Variants in MORC3 observed in about 807,000 individuals in gnomAD.
MORC3 encodes MORC family CW-type zinc finger protein 3.
In MORC3, 31 loss-of-function variants were observed where a neutral mutation model predicts 109.1. The ratio of observed to expected loss-of-function variants is 0.28; its 90% CI spans 0.21 to 0.38. The LOEUF (loss-of-function observed/expected upper bound fraction) is 0.38, where lower values mean the gene tolerates loss of function less well. Among genes scored for constraint, MORC3 ranks in the 10% least tolerant of loss-of-function variants. The pLI, the probability that MORC3 is intolerant of heterozygous loss-of-function variation, is 1.00. For missense variants in MORC3, 867 were observed against 1,135.8 expected (o/e 0.76, Z 3.40); for synonymous variants, 395 against 380.7 (o/e 1.04, Z -0.44).
intron 9 of MORC3, among the ~76,000 whole-genome samples, chr21:36,350,900 A>T (rs2085563302): frequency 6.6e-6 from 1 of 152,158 alleles, no homozygotes. Flanking sequence ...TGATATTTTG[A>T]TACAAGCATA....
intron 1 of MORC3, among the ~76,000 whole-genome samples, chr21:36,331,643 T>C (rs2085316797): frequency 6.6e-6 from 1 of 151,878 alleles, no homozygotes; most frequent in African/African-American, 2.4e-5. Context: ...TGTGTGTTTT[T>C]ATACATTTGG....
At chr21:36,329,139 A>G (rs2085283934) in intron 1 of MORC3, among the ~76,000 whole-genome samples, 1 of 151,920 alleles carries the variant, frequency 6.6e-6, no homozygotes, top group Admixed American at 6.6e-5. Context: ...CCAAAAATAC[A>G]AAAAAATTAG....
intron 14 of MORC3, among the ~76,000 whole-genome samples, chr21:36,367,756 A>AT (rs1306142265): frequency 6.6e-6 from 1 of 152,166 alleles, no homozygotes; most frequent in Non-Finnish European, 1.5e-5. Context: ...GGAATAAAAG[A>AT]TTTTTTCAGA....
chr21:36,343,518 G>A (rs559713961), intron 6 of MORC3, among the ~76,000 whole-genome samples: 6 of 148,644 alleles, frequency 4.0e-5, no homozygotes, highest in African/African-American at 1.5e-4. Context: ...GCGTGATCTC[G>A]GCTCACCACA....
At chr21:36,330,309 C>T (rs757158365) in intron 1 of MORC3, among the ~76,000 whole-genome samples, 1 of 152,148 alleles carries the variant, frequency 6.6e-6, no homozygotes, top group Non-Finnish European at 1.5e-5. Context: ...GCTTCCTCTG[C>T]GTAGTAAAAC....
At chr21:36,334,178 C>G (rs1419110974) in intron 2 of MORC3, among the ~76,000 whole-genome samples, 1 of 152,042 alleles carries the variant, frequency 6.6e-6, no homozygotes, top group Non-Finnish European at 1.5e-5. Flanking sequence ...TCACGTGAGA[C>G]CGGGAAGTTG....
At chr21:36,363,489 T>A (rs2085743449) in intron 13 of MORC3, among the ~76,000 whole-genome samples, 1 of 152,188 alleles carries the variant, frequency 6.6e-6, no homozygotes, top group African/African-American at 2.4e-5. Context: ...TATCATAGCT[T>A]CGCCTAGCCT....
Position 36,338,850 on chromosome 21 carries a change from G to A in MORC3, c.537G>A (p.Gln179=). ...ILEHSLFSTE[Q]KLLAELDAII... The stretch of plus-strand genomic sequence containing the variant: ...AACATTCTCTGTTTTCCACGGAACA[G>A]AAGTTACTGGCAGAACTTGATGCTA... The change falls in exon 5 of 17, where the codon CAG becomes CAA. Residue 179 remains glutamine, a synonymous_variant. Coordinates refer to ENST00000400485, the MANE Select transcript of MORC3 (RefSeq NM_015358.3). 6.2e-7 allele frequency: 1 copy of A among 1,614,084 alleles called. No homozygotes were observed. Among genetic ancestry groups the A allele is most frequent in the South Asian group, 1.1e-5 (1 of 91,086 alleles).
In MORC3 at chr21:36,357,802, G is replaced by A. The variant is rs183773451; in HGVS notation, c.1208+1078G>A. ...GTCACCCAGGCTGAAGTGCAGTGGC[G>A]CAATCTCAGCTCACTGCAACCTCCA... On this transcript the variant is annotated intron_variant, in intron 10 of 16. Coordinates refer to ENST00000400485, the MANE Select transcript of MORC3 (RefSeq NM_015358.3). Among the ~76,000 whole-genome samples the A allele has an allele frequency of 2.0e-4, 30 of 148,898 alleles. No individual in the cohort carries two copies. In the East Asian group the frequency reaches 5.4e-3, roughly 27 times the overall value.
intron 9 of MORC3, among the ~76,000 whole-genome samples, chr21:36,353,079 C>T (rs2085592545): frequency 6.6e-6 from 1 of 151,896 alleles, no homozygotes; most frequent in Non-Finnish European, 1.5e-5. Context: ...AAATCATAGG[C>T]CGGGCATGGT....
intron 8 of MORC3, among the ~76,000 whole-genome samples, chr21:36,345,791 A>AG (rs2085501111): frequency 6.6e-6 from 1 of 151,926 alleles, no homozygotes; most frequent in East Asian, 1.9e-4. Flanking sequence ...TCCTGACCTC[A>AG]GGTGATCCAC....
chr21:36,322,867 AC>A (rs1218723426), intron 1 of MORC3, among the ~76,000 whole-genome samples: 3 of 151,824 alleles, frequency 2.0e-5, no homozygotes, highest in African/African-American at 7.3e-5. Context: ...CACACTCTTC[AC>A]CACCTCCCAT....
chr21:36,364,256 A>T lies in MORC3; in HGVS notation c.1616A>T (p.Asn539Ile). The T allele has an allele frequency of 6.2e-7, 1 of 1,613,720 alleles. No homozygotes were observed. The highest frequency in any genetic ancestry group is 1.1e-5 in the South Asian group (1 of 91,038). ...CCACCTCAGTCTGAACCTGAGAGCA[A>T]CAGGTCAGTGGCTAAGATTGGTTTT... The part of the protein sequence containing the change: ...QVPPQSEPES[N>I]SLKRRLSTRS... Residue 539 changes from asparagine to isoleucine, a missense_variant, in exon 14 of 17, where the codon AAC becomes ATC. Asn to Ile is a moderately radical substitution (Grantham distance 149). Around this residue, in one of 7 missense-constraint regions of MORC3, gnomAD observed 486 missense variants for 502.1 expected, o/e 0.97. Transcript: ENST00000400485.
Position 36,372,548 on chromosome 21 carries a change from C to T in MORC3, c.2666+17C>T, listed in dbSNP as rs371801984. On this transcript the variant is annotated intron_variant, in intron 16 of 16. Transcript: ENST00000400485. The stretch of plus-strand genomic sequence containing the variant: ...TGGAGAAAGGTAATATTAAATGAGG[C>T]GTTTTTGTGGGGCTGCAATTATGGT... 26 of 1,558,820 alleles carry T rather than the reference C, an allele frequency of 1.7e-5. No individual in the cohort carries two copies. Among genetic ancestry groups the T allele is most frequent in the East Asian group, 6.9e-5 (3 of 43,758 alleles).
chr21:36,344,570 A>G lies in MORC3; in HGVS notation c.757-9A>G. The stretch of plus-strand genomic sequence containing the variant: ...GTAGATACTAACTTCTTGTTATGTT[A>G]TTTTCCAGGCTTATTGCAGTATATT... On this transcript the variant is annotated splice_polypyrimidine_tract_variant and intron_variant, in intron 6 of 16. Transcript: ENST00000400485. The G allele has an allele frequency of 3.7e-6, 6 of 1,611,048 alleles. No homozygotes were observed. Among genetic ancestry groups the G allele is most frequent in the Non-Finnish European group, 5.1e-6 (6 of 1,178,640 alleles).
In MORC3 at chr21:36,369,375, C is replaced by A; in HGVS notation, c.2007C>A (p.Pro669=). The change falls in exon 15 of 17, where the codon CCC becomes CCA. Residue 669 remains proline (P), a synonymous_variant. Transcript: ENST00000400485. ...TAAGAAATGATGCAGTGATTCTGCC[C>A]TCCTGTGTAGAAGCTGAAGCAAAGA... ...IDVRNDAVIL[P]SCVEAEAKIH... The A allele has an allele frequency of 6.2e-7, 1 of 1,614,156 alleles. No homozygotes were observed. Among genetic ancestry groups the A allele is most frequent in the Non-Finnish European group, 8.5e-7 (1 of 1,180,030 alleles).
chr21:36,347,380 C>G (rs2085521122), intron 8 of MORC3, among the ~76,000 whole-genome samples: 1 of 152,176 alleles, frequency 6.6e-6, no homozygotes, highest in Non-Finnish European at 1.5e-5. Flanking sequence ...ACCTATGAAT[C>G]TGACTTAACC....
intron 14 of MORC3, among the ~76,000 whole-genome samples, chr21:36,365,911 C>T (rs992368342): frequency 6.6e-6 from 1 of 152,124 alleles, no homozygotes; most frequent in Non-Finnish European, 1.5e-5. Flanking sequence ...GTGTATTGGA[C>T]ACTCATTTTG....
intron 1 of MORC3, chr21:36,320,549 C>T: frequency 2.9e-6 from 1 of 343,436 alleles, no homozygotes; most frequent in Non-Finnish European, 5.2e-6. Flanking sequence ...GGTCGCGGCT[C>T]CTCCTCCCAG....
Sources: gnomAD v4.1 joint callset for allele counts (sites outside exome capture counted in the v4.1 genomes callset) on GRCh38, gnomAD v4.1.1 for gene constraint, gnomAD v4.1.1 regional missense constraint, MANE v1.5 for transcripts, NCBI Gene and HGNC (gene_info 2026-07-23, HGNC 2026-07-21) for gene names.